Variants in CDC42BPB observed in about 807,000 individuals in gnomAD.
The protein encoded by CDC42BPB is CDC42 binding protein kinase beta, also known as serine/threonine-protein kinase MRCK beta.
CDC42BPB carries 37 observed loss-of-function variants against 214.9 expected under a neutral mutation model. The observed-to-expected ratio is 0.17, with a 90% CI of 0.13 to 0.23. The LOEUF (loss-of-function observed/expected upper bound fraction) is 0.23, where lower values mean the gene tolerates loss of function less well. Ranked by LOEUF, CDC42BPB falls within the 10% of genes least tolerant of loss-of-function variation. CDC42BPB has a pLI of 1.00. For missense variants in CDC42BPB, 1,694 were observed against 2,227.0 expected, an observed-to-expected ratio of 0.76 and a Z score of 4.82; for synonymous variants, 931 against 884.0, an observed-to-expected ratio of 1.05 and a Z score of -0.94.
chr14:102,966,372 T>A lies in CDC42BPB; in HGVS notation c.2487A>T (p.Lys829Asn), dbSNP rs766537181. The change falls in exon 18 of 37, where the codon AAA becomes AAT. Residue 829 changes from lysine to asparagine, a missense_variant. Physicochemically the swap from Lys to Asn is moderately conservative, Grantham distance 94 (BLOSUM62 0). Coordinates refer to ENST00000361246, the MANE Select transcript of CDC42BPB (RefSeq NM_006035.4). ...GAGCTTGAAGGTAACCCCGGGCATC[T>A]TTCTCGTCACTGACCCTGGAGGAGG... ...AEIIQWVSDE[K>N]DARGYLQALA... The A allele has an allele frequency of 6.2e-7, 1 of 1,613,864 alleles. No homozygotes were observed. The highest frequency in any genetic ancestry group is 8.5e-7 in the Non-Finnish European group (1 of 1,179,820).
intron 1 of CDC42BPB, among the ~76,000 whole-genome samples, chr14:103,050,112 C>G (rs1888520696): frequency 6.6e-6 from 1 of 152,024 alleles, no homozygotes; most frequent in African/African-American, 2.4e-5. Context: ...TTAAAGGCAA[C>G]AGAATATGAA....
chr14:103,028,010 G>T (rs937872551), intron 1 of CDC42BPB, among the ~76,000 whole-genome samples: 3 of 152,282 alleles, frequency 2.0e-5, no homozygotes, highest in Admixed American at 2.0e-4. Flanking sequence ...CGCACCTGTA[G>T]TCCCAGCTGC....
intron 3 of CDC42BPB, among the ~76,000 whole-genome samples, chr14:103,006,696 GAT>G (rs1443964820): frequency 9.2e-5 from 14 of 152,000 alleles, no homozygotes; most frequent in African/African-American, 3.1e-4. Context: ...AAAATAAAAA[GAT>G]AAATTATTTG....
At chr14:103,007,069 G>A (rs1401031647) in intron 3 of CDC42BPB, among the ~76,000 whole-genome samples, 1 of 152,178 alleles carries the variant, frequency 6.6e-6, no homozygotes, top group Non-Finnish European at 1.5e-5. Flanking sequence ...AGTGAAGATG[G>A]AGGAAAAGAG....
intron 21 of CDC42BPB, among the ~76,000 whole-genome samples, chr14:102,957,054 A>T (rs1892740778): frequency 7.1e-6 from 1 of 140,770 alleles, no homozygotes; most frequent in Non-Finnish European, 1.5e-5. Context: ...AAAAAAAATT[A>T]GCCGGGCATA....
intron 4 of CDC42BPB, among the ~76,000 whole-genome samples, chr14:103,003,273 A>G (rs1027200722): frequency 6.6e-6 from 1 of 152,242 alleles, no homozygotes. Context: ...GTCCTGAACA[A>G]GGCGGTCTGC....
chr14:103,046,557 G>A (rs577105609), intron 1 of CDC42BPB, among the ~76,000 whole-genome samples: 7 of 152,258 alleles, frequency 4.6e-5, no homozygotes, highest in African/African-American at 1.2e-4. Flanking sequence ...CGTAACAAAC[G>A]TGTGCAGGAA....
rs527844060 is a variant in CDC42BPB, at chr14:102,934,119, G to A, written c.5005-276C>T. 12 of 860,118 alleles carry A rather than the reference G, an allele frequency of 1.4e-5. No individual in the cohort carries two copies. The South Asian group carries it at 2.2e-4, about 16-fold the overall frequency. The allele number at this position is 860,118 out of a possible 1,614,324, so 53.3% of individuals were successfully genotyped here. On this transcript the variant is annotated intron_variant, in intron 36 of 36. Coordinates refer to ENST00000361246, the MANE Select transcript of CDC42BPB (RefSeq NM_006035.4). ...TGTAGTGAAGAAATCAGATGGGGCC[G>A]GACGCAGTGGCTCCTGCCTGTAATC... is the stretch of plus-strand genomic sequence containing the variant.
chr14:102,957,198 CAA>C (rs1169886657), intron 21 of CDC42BPB, among the ~76,000 whole-genome samples: 1,069 of 33,326 alleles, frequency 0.032, 8 homozygotes, highest in African/African-American at 0.086. Context: ...AAGACTGTCT[CAA>C]AAAAAAAAAA....
At chr14:103,045,750 T>A (rs766958535) in intron 1 of CDC42BPB, among the ~76,000 whole-genome samples, 4 of 152,180 alleles carry the variant, frequency 2.6e-5, no homozygotes, top group Non-Finnish European at 4.4e-5. Context: ...ACACTCTGAC[T>A]TCGTGCAGAG....
At chr14:102,989,061 A>G (rs967866873) in intron 5 of CDC42BPB, among the ~76,000 whole-genome samples, 1 of 152,210 alleles carries the variant, frequency 6.6e-6, no homozygotes, top group African/African-American at 2.4e-5. Flanking sequence ...AAAGGCAAAT[A>G]CTTCTTTAAG....
chr14:102,941,326 G>A (rs1163031249), intron 30 of CDC42BPB: 2 of 985,352 alleles, frequency 2.0e-6, no homozygotes, highest in Admixed American at 6.1e-5. Context: ...ACTGTCTGAA[G>A]ATGCATTTTA....
intron 2 of CDC42BPB, among the ~76,000 whole-genome samples, chr14:103,009,588 C>CA (rs1305405546): frequency 5.3e-5 from 8 of 152,070 alleles, no homozygotes; most frequent in South Asian, 2.1e-4. Flanking sequence ...AAGTTTTTGG[C>CA]AAAAAAGAGT....
chr14:103,044,579 C>T (rs1888188129), intron 1 of CDC42BPB, among the ~76,000 whole-genome samples: 1 of 151,926 alleles, frequency 6.6e-6, no homozygotes. Context: ...CCAACTTGGC[C>T]AGGATGGTCT....
chr14:103,014,627 C>T (rs1172546692), intron 1 of CDC42BPB, among the ~76,000 whole-genome samples: 1 of 152,084 alleles, frequency 6.6e-6, no homozygotes, highest in African/African-American at 2.4e-5. Flanking sequence ...TTAATAGTTG[C>T]TCAACACCAC....
chr14:102,947,366 G>A (rs1892229716), intron 27 of CDC42BPB, among the ~76,000 whole-genome samples: 1 of 152,212 alleles, frequency 6.6e-6, no homozygotes, highest in Non-Finnish European at 1.5e-5. Flanking sequence ...TTGGCTGGGG[G>A]GCACTGGAGA....
intron 6 of CDC42BPB, among the ~76,000 whole-genome samples, chr14:102,984,912 A>G (rs990974461): frequency 1.3e-5 from 2 of 152,242 alleles, no homozygotes; most frequent in African/African-American, 4.8e-5. Context: ...GCCAGCCCAC[A>G]GGAGCTCCTA....
chr14:102,945,016 C>T (rs2139366993), intron 29 of CDC42BPB, among the ~76,000 whole-genome samples: 1 of 152,354 alleles, frequency 6.6e-6, no homozygotes, highest in East Asian at 1.9e-4. Context: ...AGACGCCGCC[C>T]TCACACGGCC....
At chr14:102,953,102 C>T (rs953059971) in intron 23 of CDC42BPB, among the ~76,000 whole-genome samples, 3 of 152,264 alleles carry the variant, frequency 2.0e-5, no homozygotes, top group African/African-American at 7.2e-5. Flanking sequence ...ATTGTGAACC[C>T]AGCGGCAACT....
Sources: gnomAD v4.1 joint callset for allele counts (sites outside exome capture counted in the v4.1 genomes callset) on GRCh38, gnomAD v4.1.1 for gene constraint, MANE v1.5 for transcripts, NCBI Gene and HGNC (gene_info 2026-07-23, HGNC 2026-07-21) for gene names.